The following AKT3 variants were observed in gnomAD, a reference collection of about 807,000 sequenced individuals.
The protein encoded by AKT3 is AKT serine/threonine kinase 3.
Under a neutral mutation model 65.3 loss-of-function variants are expected in AKT3, and 15 were observed. That is an observed-to-expected ratio of 0.23 (90% CI 0.15 to 0.35). The LOEUF (loss-of-function observed/expected upper bound fraction) is 0.35, where lower values mean the gene tolerates loss of function less well. Among genes scored for constraint, AKT3 ranks in the 10% least tolerant of loss-of-function variants. The probability of loss-of-function intolerance (pLI) is 1.00; values close to 1 mark genes in which losing one functional copy is unlikely to be tolerated. For synonymous variants in AKT3, 206 were observed against 183.8 expected, an observed-to-expected ratio of 1.12 and a Z score of -0.98; for missense variants, 243 against 576.5, an observed-to-expected ratio of 0.42 and a Z score of 5.92.
At chr1:243,592,151 T>C (rs1372234545) in intron 8 of AKT3, among the ~76,000 whole-genome samples, 2 of 151,906 alleles carry the variant, frequency 1.3e-5, no homozygotes, top group Admixed American at 6.6e-5. Context: ...CTGGCTAACA[T>C]GGTGAAACCC....
chr1:243,557,623 T>C (rs185842798), intron 10 of AKT3, among the ~76,000 whole-genome samples: 236 of 152,104 alleles, frequency 1.6e-3, no homozygotes, highest in African/African-American at 5.3e-3. Context: ...CAACATACTA[T>C]AGAAAGAAAT....
At chr1:243,601,406 C>G (rs141742665) in intron 8 of AKT3, among the ~76,000 whole-genome samples, 10 of 152,154 alleles carry the variant, frequency 6.6e-5, no homozygotes, top group African/African-American at 2.4e-4. Context: ...TATACATCCA[C>G]CAGAATGAGT....
intron 2 of AKT3, among the ~76,000 whole-genome samples, chr1:243,795,387 G>A (rs2148348508): frequency 6.6e-6 from 1 of 151,814 alleles, no homozygotes; most frequent in South Asian, 2.1e-4. Flanking sequence ...GTTCTGGAAG[G>A]AGAGCAGAGG....
intron 3 of AKT3, among the ~76,000 whole-genome samples, chr1:243,693,294 A>C (rs1684842751): frequency 8.5e-6 from 1 of 117,146 alleles, no homozygotes; most frequent in Non-Finnish European, 1.8e-5. Context: ...ATATATATAT[A>C]ACATTTCCCA....
At chr1:243,760,484 T>A (rs1689421808) in intron 2 of AKT3, among the ~76,000 whole-genome samples, 1 of 152,048 alleles carries the variant, frequency 6.6e-6, no homozygotes, top group Non-Finnish European at 1.5e-5. Context: ...ACATATTTAA[T>A]CTTCATTATT....
chr1:243,571,803 A>T (rs1009029191), intron 9 of AKT3, among the ~76,000 whole-genome samples: 1 of 152,252 alleles, frequency 6.6e-6, no homozygotes, highest in Non-Finnish European at 1.5e-5. Context: ...AATACAATCA[A>T]ACTATTAATT....
At position 243,777,051 on chromosome 1, in the gene AKT3, T is replaced by C. The variant is rs536591514; in HGVS notation, c.46+66074A>G. 2.6e-5 allele frequency among the ~76,000 whole-genome samples: 4 copies of C among 152,254 alleles called. No individual in the cohort carries two copies. In the South Asian group the frequency reaches 6.2e-4, roughly 24 times the overall value. On this transcript the variant is annotated intron_variant, in intron 2 of 13. Coordinates refer to ENST00000673466, the MANE Select transcript of AKT3 (RefSeq NM_005465.7). ...AACAAGGGTTTCCAGGAGGAAGCAATTGTGGTTGTGATTAAGGCAAACACT... is the reference window on the plus strand; with the variant it reads ...AACAAGGGTTTCCAGGAGGAAGCAACTGTGGTTGTGATTAAGGCAAACACT...
chr1:243,527,960 A>C (rs1671269959), intron 12 of AKT3, among the ~76,000 whole-genome samples: 1 of 139,164 alleles, frequency 7.2e-6, no homozygotes, highest in Admixed American at 7.4e-5. Context: ...GAGAGAGAGA[A>C]TTTGAGGCCT....
chr1:243,705,875 A>T (rs574793472), intron 2 of AKT3, among the ~76,000 whole-genome samples: 1 of 152,330 alleles, frequency 6.6e-6, no homozygotes, highest in African/African-American at 2.4e-5. Context: ...TGTTTACTGC[A>T]TTAGAGCAGA....
intron 2 of AKT3, among the ~76,000 whole-genome samples, chr1:243,742,842 C>T (rs1219144783): frequency 6.6e-6 from 1 of 151,378 alleles, no homozygotes; most frequent in Non-Finnish European, 1.5e-5. Flanking sequence ...ACTTCAGGGG[C>T]TCCAGGGTAT....
intron 2 of AKT3, among the ~76,000 whole-genome samples, chr1:243,751,354 A>G (rs1424378827): frequency 6.6e-6 from 1 of 152,260 alleles, no homozygotes; most frequent in Non-Finnish European, 1.5e-5. Flanking sequence ...GCAGACATTC[A>G]TGCCAAACGC....
chr1:243,796,844 C>G (rs1420147545), intron 2 of AKT3, among the ~76,000 whole-genome samples: 1 of 152,016 alleles, frequency 6.6e-6, no homozygotes, highest in Admixed American at 6.6e-5. Context: ...ATGGATGAAC[C>G]TGGAAAACAC....
chr1:243,656,576 C>A (rs1222717517), intron 4 of AKT3, among the ~76,000 whole-genome samples: 1 of 152,068 alleles, frequency 6.6e-6, no homozygotes, highest in Admixed American at 6.6e-5. Context: ...TTGGTACTTA[C>A]CAGGATGAGC....
chr1:243,585,217 G>A (rs867290407), intron 8 of AKT3, among the ~76,000 whole-genome samples: 6 of 151,956 alleles, frequency 3.9e-5, no homozygotes, highest in South Asian at 4.1e-4. Context: ...ACAAGACACC[G>A]TTAAAAGAAA....
chr1:243,771,956 C>A (rs921626354), intron 2 of AKT3, among the ~76,000 whole-genome samples: 1 of 152,142 alleles, frequency 6.6e-6, no homozygotes, highest in Non-Finnish European at 1.5e-5. Context: ...CCCTATTTAA[C>A]AAATGGTGCT....
At chr1:243,554,047 C>T (rs1184387862) in intron 10 of AKT3, among the ~76,000 whole-genome samples, 4 of 152,044 alleles carry the variant, frequency 2.6e-5, no homozygotes, top group African/African-American at 7.2e-5. Context: ...TTTCTTGCTT[C>T]GAATTAAATA....
At chr1:243,848,063 T>G (rs1466648571) in intron 1 of AKT3, among the ~76,000 whole-genome samples, 1 of 152,154 alleles carries the variant, frequency 6.6e-6, no homozygotes, top group African/African-American at 2.4e-5. Flanking sequence ...AAAACCACAA[T>G]GCAAATACAC....
chr1:243,622,475 G>C (rs945843862), intron 6 of AKT3, among the ~76,000 whole-genome samples: 2 of 152,118 alleles, frequency 1.3e-5, no homozygotes, highest in Admixed American at 6.5e-5. Context: ...TTGCTGACTT[G>C]AATAAAATTT....
At chr1:243,565,793 C>T (rs754488165) in intron 9 of AKT3, among the ~76,000 whole-genome samples, 6 of 152,010 alleles carry the variant, frequency 3.9e-5, no homozygotes, top group Admixed American at 1.3e-4. Context: ...TAATGAGAAA[C>T]GTTAAGTATA....
Sources: gnomAD v4.1 joint callset for allele counts (sites outside exome capture counted in the v4.1 genomes callset) on GRCh38, gnomAD v4.1.1 for gene constraint, MANE v1.5 for transcripts, NCBI Gene and HGNC (gene_info 2026-07-23, HGNC 2026-07-21) for gene names.